Variants in GSK3B observed in about 807,000 individuals in gnomAD.
The protein encoded by GSK3B is glycogen synthase kinase 3 beta, also known as glycogen synthase kinase-3 beta.
In GSK3B, 15 loss-of-function variants were observed where a neutral mutation model predicts 56.4. The ratio of observed to expected loss-of-function variants is 0.27; its 90% CI spans 0.18 to 0.41. The LOEUF (loss-of-function observed/expected upper bound fraction) is 0.41, where lower values mean the gene tolerates loss of function less well. Among genes scored for constraint, GSK3B ranks in the 10% least tolerant of loss-of-function variants. The probability of loss-of-function intolerance (pLI) is 1.00; values close to 1 mark genes in which losing one functional copy is unlikely to be tolerated. For synonymous variants in GSK3B, 181 were observed against 188.9 expected (o/e 0.96, Z 0.34); for missense variants, 300 against 513.4 (o/e 0.58, Z 4.02).
At chr3:120,046,474 T>C (rs969670943) in intron 1 of GSK3B, among the ~76,000 whole-genome samples, 3 of 152,122 alleles carry the variant, frequency 2.0e-5, no homozygotes, top group African/African-American at 7.2e-5. Flanking sequence ...TATGTAAACC[T>C]AAAACTGCTT....
rs544150174 is a variant in GSK3B at position 120,006,584 on chromosome 3, CA to C, written c.89-4346del. ...ACTGTCTCTCAGACCACAGTGCAATCAAATTAGAACTCAGCATTAAGAATCT... is the reference window on the plus strand; with the variant it reads ...ACTGTCTCTCAGACCACAGTGCAATCAATTAGAACTCAGCATTAAGAATCT... On this transcript the variant is annotated intron_variant, in intron 1 of 10. Coordinates refer to ENST00000264235, the MANE Select transcript of GSK3B (RefSeq NM_001146156.2). 6.3e-4 allele frequency among the ~76,000 whole-genome samples: 96 copies of C among 152,292 alleles called. 1 individual carries two copies. The highest frequency in any genetic ancestry group is 5.8e-3 in the Admixed American group (88 of 15,304).
intron 3 of GSK3B, among the ~76,000 whole-genome samples, chr3:119,935,580 C>T (rs1442946886): frequency 6.6e-6 from 1 of 152,188 alleles, no homozygotes; most frequent in Non-Finnish European, 1.5e-5. Context: ...TCTACACACA[C>T]TGTGCTATTA....
At chr3:119,936,632 G>C (rs1381983781) in intron 3 of GSK3B, among the ~76,000 whole-genome samples, 1 of 151,660 alleles carries the variant, frequency 6.6e-6, no homozygotes, top group Non-Finnish European at 1.5e-5. Flanking sequence ...ACAGGTGTGA[G>C]CCAATGCACC....
At chr3:119,908,533 T>A (rs949671622) in intron 6 of GSK3B, among the ~76,000 whole-genome samples, 2 of 152,214 alleles carry the variant, frequency 1.3e-5, no homozygotes, top group Admixed American at 6.5e-5. Context: ...TTACTTCAAG[T>A]GACCTGACAC....
At chr3:119,896,815 T>C (rs2056572834) in intron 7 of GSK3B, among the ~76,000 whole-genome samples, 1 of 152,138 alleles carries the variant, frequency 6.6e-6, no homozygotes. Context: ...GTCCCATCTC[T>C]CACCTGCCCC....
Position 119,912,720 on chromosome 3 carries a change from A to C in GSK3B, c.699T>G (p.Asp233Glu). 6.6e-7 allele frequency: 1 copy of C among 1,511,196 alleles called. No homozygotes were observed. Among genetic ancestry groups the C allele is most frequent in the South Asian group, 1.1e-5 (1 of 87,628 alleles). 93.6% of individuals were successfully genotyped at this position (1,511,196 alleles called of 1,614,324 possible). Residue 233 changes from aspartate (D) to glutamate (E), a missense_variant, in exon 6 of 11, where the codon GAT (aspartate) becomes GAG (glutamate). This residue lies in a region of GSK3B where 39 missense variants were observed against 154.6 expected (regional missense o/e 0.25). Coordinates refer to ENST00000264235, the MANE Select transcript of GSK3B (RefSeq NM_001146156.2). ...RAPELIFGAT[D>E]YTSSIDVWSA... ...TGTACTTACCTATACTAGAGGTATA[A>C]TCAGTGGCTCCAAAGATCAACTCTG...
At chr3:120,039,702 G>A (rs1478490377) in intron 1 of GSK3B, among the ~76,000 whole-genome samples, 2 of 152,102 alleles carry the variant, frequency 1.3e-5, no homozygotes, top group African/African-American at 2.4e-5. Context: ...TGTGTAGTCC[G>A]AACCCAGCCC....
At chr3:119,971,444 A>C (rs1021850222) in intron 2 of GSK3B, among the ~76,000 whole-genome samples, 1 of 152,072 alleles carries the variant, frequency 6.6e-6, no homozygotes, top group African/African-American at 2.4e-5. Flanking sequence ...TTTGACTGGA[A>C]GAGTTTTAGG....
At chr3:120,047,803 A>C in intron 1 of GSK3B, among the ~76,000 whole-genome samples, 1 of 152,210 alleles carries the variant, frequency 6.6e-6, no homozygotes, top group African/African-American at 2.4e-5. Flanking sequence ...GTATTTGTTG[A>C]CTGGGAAAGG....
intron 3 of GSK3B, among the ~76,000 whole-genome samples, chr3:119,924,868 G>C (rs2056875744): frequency 6.6e-6 from 1 of 152,178 alleles, no homozygotes; most frequent in African/African-American, 2.4e-5. Context: ...ACAGAGACTA[G>C]ATAGCCCACA....
chr3:119,992,511 T>C (rs182746795), intron 2 of GSK3B, among the ~76,000 whole-genome samples: 4 of 152,192 alleles, frequency 2.6e-5, no homozygotes, highest in Admixed American at 6.5e-5. Flanking sequence ...TGATAACTAC[T>C]AGAGGAAAAT....
rs1005911728 is a variant in GSK3B at position 119,903,488 on chromosome 3, A to G, written c.813+2267T>C. 2.6e-4 allele frequency among the ~76,000 whole-genome samples: 40 copies of G among 152,188 alleles called. 1 individual carries two copies. The highest frequency in any genetic ancestry group is 4.4e-5 in the Non-Finnish European group (3 of 68,028). On this transcript the variant is annotated intron_variant, in intron 7 of 10. Coordinates refer to ENST00000264235, the MANE Select transcript of GSK3B (RefSeq NM_001146156.2). ...TTGATCACGGACCATTTTGGAAAAA[A>G]TAAGCACTTAATGAAAATGAAGTCT...
At chr3:119,863,268 C>T in intron 9 of GSK3B, 151 bp downstream of exon 9, 1 of 648,442 alleles carries the variant, frequency 1.5e-6, no homozygotes. Context: ...TAAGTAGTGG[C>T]CAGTAAGTTA....
intron 2 of GSK3B, among the ~76,000 whole-genome samples, chr3:120,000,654 G>T (rs145994229): frequency 1.3e-5 from 2 of 151,950 alleles, no homozygotes; most frequent in African/African-American, 4.8e-5. Context: ...AATTACACCC[G>T]GTGTCTTCTG....
intron 3 of GSK3B, among the ~76,000 whole-genome samples, chr3:119,930,292 C>T (rs1257824350): frequency 6.6e-6 from 1 of 151,998 alleles, no homozygotes; most frequent in Non-Finnish European, 1.5e-5. Flanking sequence ...GTTGCAAATG[C>T]CATCAACAGC....
intron 1 of GSK3B, among the ~76,000 whole-genome samples, chr3:120,050,874 G>A (rs928041362): frequency 6.6e-6 from 1 of 152,102 alleles, no homozygotes; most frequent in Non-Finnish European, 1.5e-5. Context: ...AAGGAAGGTA[G>A]GCAGAGTATG....
intron 1 of GSK3B, among the ~76,000 whole-genome samples, chr3:120,074,122 T>C (rs898401962): frequency 3.9e-5 from 6 of 151,980 alleles, no homozygotes; most frequent in Non-Finnish European, 7.4e-5. Flanking sequence ...TTGGGCAACA[T>C]GGTGAAACAC....
intron 1 of GSK3B, among the ~76,000 whole-genome samples, chr3:120,009,099 G>A (rs1022706214): frequency 6.6e-6 from 1 of 152,162 alleles, no homozygotes; most frequent in African/African-American, 2.4e-5. Flanking sequence ...ATCGTCACTG[G>A]TTATTAGAGA....
intron 1 of GSK3B, among the ~76,000 whole-genome samples, chr3:120,021,638 G>A (rs2057879064): frequency 6.6e-6 from 1 of 152,144 alleles, no homozygotes; most frequent in East Asian, 1.9e-4. Flanking sequence ...TGCAGATGTG[G>A]TAGAAATAGA....
Sources: gnomAD v4.1 joint callset for allele counts (sites outside exome capture counted in the v4.1 genomes callset) on GRCh38, gnomAD v4.1.1 for gene constraint, gnomAD v4.1.1 regional missense constraint, MANE v1.5 for transcripts, NCBI Gene and HGNC (gene_info 2026-07-23, HGNC 2026-07-21) for gene names.